The following PEX5 variants were observed in gnomAD, a reference collection of about 807,000 sequenced individuals.
PEX5 encodes the protein PTS1 receptor.
A neutral mutation model predicts 82.9 loss-of-function variants in PEX5; 52 were observed. The ratio of observed to expected loss-of-function variants is 0.63; its 90% CI spans 0.50 to 0.79. PEX5 has a LOEUF of 0.79. PEX5 is among the 30% of genes least tolerant of loss of function. The pLI is 0.00. For synonymous variants in PEX5, 300 were observed against 318.8 expected (o/e 0.94, Z 0.63); for missense variants, 719 against 815.2 (o/e 0.88, Z 1.44).
At position 7,210,564 on chromosome 12, in the gene PEX5, CTACCACATCTGTAAT is replaced by C; in HGVS notation, c.*342_*356del. On this transcript the variant is annotated 3_prime_UTR_variant, in exon 16 of 16. Coordinates refer to ENST00000675855, the MANE Select transcript of PEX5 (RefSeq NM_001351132.2). The stretch of plus-strand genomic sequence containing the variant: ...CATCAGCTGCCATTTCTGATAGGGT[CTACCACATCTGTAAT>C]GTCTGTCCTTTCCCCCACTTTTACT... 1 of 421,058 alleles carries C rather than the reference CTACCACATCTGTAAT, an allele frequency of 2.4e-6. No homozygotes were observed. The highest frequency in any genetic ancestry group is 2.1e-5 in the South Asian group (1 of 47,576). 26.1% of individuals were successfully genotyped at this position (421,058 alleles called of 1,614,324 possible). A position where few individuals can be genotyped will look rare whatever the true frequency, so the allele number is the denominator to read the frequency against.
In PEX5 at chr12:7,197,194, A is replaced by AATT. The variant is rs1326562671; in HGVS notation, c.449-1814_449-1812dup. Among the ~76,000 whole-genome samples, 7 of 106,292 alleles carry AATT rather than the reference A, an allele frequency of 6.6e-5. 3 individuals are homozygous for AATT. Among genetic ancestry groups the AATT allele is most frequent in the African/African-American group, 2.6e-4 (7 of 27,000 alleles). The allele number at this position is 106,292 out of a possible 152,430, so 69.7% of individuals were successfully genotyped here. On this transcript the variant is annotated intron_variant, in intron 5 of 15. Coordinates refer to ENST00000675855, the MANE Select transcript of PEX5 (RefSeq NM_001351132.2). ...TAATTATATATGTCATATATAATGTAATTATATATGTCATATATAATGTAA... is the reference window on the plus strand; with the variant it reads ...TAATTATATATGTCATATATAATGTAATTATTATATATGTCATATATAATGTAA...
rs1428581760 is a variant in PEX5 at position 7,202,247 on chromosome 12, A to C, written c.649A>C (p.Lys217Gln). 1.2e-6 allele frequency: 2 copies of C among 1,614,058 alleles called. No individual in the cohort carries two copies. The highest frequency in any genetic ancestry group is 1.7e-6 in the Non-Finnish European group (2 of 1,180,008). ...GTGTGTCTCTGTGCCCCAGTTCCTG[A>C]AATTCGTGCGGCAGATTGGCGAAGG... ...DPKLANSEFL[K>Q]FVRQIGEGQV... Residue 217 changes from lysine (K) to glutamine (Q), a missense_variant, in exon 8 of 16, where the codon AAA becomes CAA. Transcript: ENST00000675855.
chr12:7,190,096 C>A, intron 1 of PEX5: 1 of 1,491,398 alleles, frequency 6.7e-7, no homozygotes, highest in Non-Finnish European at 8.8e-7. Flanking sequence ...GAGGCAGCTG[C>A]TGGCCCCCAG....
Position 7,197,006 on chromosome 12 carries a change from T to C in PEX5, c.449-2005T>C, listed in dbSNP as rs1156967238. On this transcript the variant is annotated intron_variant, in intron 5 of 15. Transcript: ENST00000675855. ...TATGTCACATATAATGTAATAATTA[T>C]ATATGTCACATATAATGTAATTATA... 7.9e-5 allele frequency among the ~76,000 whole-genome samples: 2 copies of C among 25,256 alleles called. 1 individual carries two copies. The highest frequency in any genetic ancestry group is 2.2e-4 in the Non-Finnish European group (2 of 9,282). The allele number at this position is 25,256 out of a possible 152,430, so 16.6% of individuals were successfully genotyped here. A position where few individuals can be genotyped will look rare whatever the true frequency, so the allele number is the denominator to read the frequency against.
intron 11 of PEX5, 49 bp from the exon 12 acceptor site, chr12:7,207,961 G>A (rs746087090): frequency 8.4e-6 from 13 of 1,550,134 alleles, no homozygotes; most frequent in East Asian, 6.7e-5. Context: ...GGGGAAGGGC[G>A]AATGGAGAGG....
intron 5 of PEX5, among the ~76,000 whole-genome samples, chr12:7,198,716 C>T (rs754695014): frequency 5.9e-5 from 9 of 152,140 alleles, no homozygotes; most frequent in Non-Finnish European, 1.3e-4. Flanking sequence ...AAATATCTTG[C>T]ACTTCAAGAA....
chr12:7,203,799 G>T (rs1944439416), intron 10 of PEX5, among the ~76,000 whole-genome samples: 1 of 152,222 alleles, frequency 6.6e-6, no homozygotes, highest in African/African-American at 2.4e-5. Flanking sequence ...TGTGAAGGAG[G>T]TTTGCACATG....
chr12:7,210,268 C>T lies in PEX5; in HGVS notation c.*45C>T, dbSNP rs370789864. 255 of 1,574,544 alleles carry T rather than the reference C, an allele frequency of 1.6e-4. No homozygotes were observed. In the African/African-American group the frequency reaches 1.7e-3, roughly 10 times the overall value. On this transcript the variant is annotated 3_prime_UTR_variant, in exon 16 of 16. Transcript: ENST00000675855. Reference sequence around the variant, plus strand: ...GTGAGTGTCCACCTGGAGGGATCCCCGCTTTGGATGTGATTCCCTCTCCCC... The same window carrying T: ...GTGAGTGTCCACCTGGAGGGATCCCTGCTTTGGATGTGATTCCCTCTCCCC...
chr12:7,211,955 ATTTT>A (rs869133253), downstream of PEX5, among the ~76,000 whole-genome samples: 158 of 17,226 alleles, frequency 9.2e-3, 3 homozygotes, highest in Non-Finnish European at 0.013. Flanking sequence ...TGGAAAAAAA[ATTTT>A]TTTTTTTTTG....
rs76708142 is a variant in PEX5 at position 7,202,673 on chromosome 12, T to G, written c.815T>G (p.Met272Arg). ...CCAGTAAACACATCTGCCCTTGATATGGAGTTTGAACGAGCCAAGTCAGCT... is the reference window on the plus strand; with the variant it reads ...CCAGTAAACACATCTGCCCTTGATAGGGAGTTTGAACGAGCCAAGTCAGCT... ...TRPVNTSALD[M>R]EFERAKSAIE... The change falls in exon 9 of 16, where the codon ATG (methionine) becomes AGG (arginine). Residue 272 changes from methionine to arginine, a missense_variant. By Grantham distance (91) the Met-to-Arg change is moderately conservative (BLOSUM62 -1). Coordinates refer to ENST00000675855, the MANE Select transcript of PEX5 (RefSeq NM_001351132.2). 1.2e-6 allele frequency: 2 copies of G among 1,614,016 alleles called. No individual in the cohort carries two copies. The highest frequency in any genetic ancestry group is 2.7e-5 in the African/African-American group (2 of 74,976).
At chr12:7,191,873 TA>T (rs770045102) in intron 5 of PEX5, among the ~76,000 whole-genome samples, 173 bp downstream of exon 5, 19 of 152,200 alleles carry the variant, frequency 1.2e-4, no homozygotes, top group Non-Finnish European at 2.6e-4. Context: ...TAATGTATAT[TA>T]AAGAGAGGAC....
chr12:7,194,598 G>A (rs974321085), intron 5 of PEX5, among the ~76,000 whole-genome samples: 1 of 152,136 alleles, frequency 6.6e-6, no homozygotes, highest in Non-Finnish European at 1.5e-5. Flanking sequence ...ACCTTATTTT[G>A]TAATGGAATC....
intron 7 of PEX5, 52 bp from the exon 8 acceptor site, chr12:7,202,189 G>A (rs1381981014): frequency 6.2e-7 from 1 of 1,612,980 alleles, no homozygotes; most frequent in East Asian, 2.2e-5. Context: ...GGTTGAGAGT[G>A]CACACCTGGA....
chr12:7,202,444 A>C, intron 8 of PEX5, 93 bp downstream of exon 8: 1 of 1,518,342 alleles, frequency 6.6e-7, no homozygotes, highest in South Asian at 1.1e-5. Context: ...GGGGAAGGAT[A>C]AGACCAGCTT....
chr12:7,201,408 A>AAT (rs928225086), intron 6 of PEX5, among the ~76,000 whole-genome samples: 2 of 151,940 alleles, frequency 1.3e-5, no homozygotes, highest in African/African-American at 2.4e-5. Context: ...TATATAGGTA[A>AAT]ATATATATAT....
downstream of PEX5, among the ~76,000 whole-genome samples, chr12:7,211,955 A>ATT (rs869133253): frequency 5.8e-5 from 1 of 17,208 alleles, no homozygotes; most frequent in African/African-American, 9.6e-5. Context: ...TGGAAAAAAA[A>ATT]TTTTTTTTTT....
In PEX5 at chr12:7,190,938, C is replaced by T. The variant is rs1044102845; in HGVS notation, c.183+15C>T. The stretch of plus-strand genomic sequence containing the variant: ...CTGAAGATGAGGTAAATAGACCAGT[C>T]TCTTTTCTGTCCCATTTTTCTCTTG... On this transcript the variant is annotated intron_variant, in intron 3 of 15. Transcript: ENST00000675855. 15 of 1,609,544 alleles carry T rather than the reference C, an allele frequency of 9.3e-6. No homozygotes were observed. Among genetic ancestry groups the T allele is most frequent in the Non-Finnish European group, 1.2e-5 (14 of 1,175,856 alleles).
chr12:7,194,089 T>G (rs1452750897), intron 5 of PEX5, among the ~76,000 whole-genome samples: 2 of 152,214 alleles, frequency 1.3e-5, no homozygotes, highest in African/African-American at 4.8e-5. Flanking sequence ...TGACTTTTTT[T>G]TATTATCCTT....
rs1488661702 is a variant in PEX5, at chr12:7,190,401, G to C, written c.24G>C (p.Glu8Asp). 1 of 1,614,108 alleles carries C rather than the reference G, an allele frequency of 6.2e-7. No homozygotes were observed. The highest frequency in any genetic ancestry group is 1.3e-5 in the African/African-American group (1 of 74,944). ...CCATGGCAATGCGGGAGCTGGTGGAGGCCGAATGCGGGGGTGCCAACCCGC... is the reference window on the plus strand; with the variant it reads ...CCATGGCAATGCGGGAGCTGGTGGACGCCGAATGCGGGGGTGCCAACCCGC... MAMRELV[E>D]AECGGANPLM... The change falls in exon 2 of 16, where the codon GAG becomes GAC. Residue 8 changes from glutamate to aspartate, a missense_variant. Coordinates refer to ENST00000675855, the MANE Select transcript of PEX5 (RefSeq NM_001351132.2).
Sources: allele counts gnomAD v4.1 joint callset (sites outside exome capture counted in the v4.1 genomes callset), GRCh38; gene constraint gnomAD v4.1.1; transcripts MANE v1.5; gene names NCBI Gene and HGNC (gene_info 2026-07-23, HGNC 2026-07-21).